MAP3K10: variants seen among roughly 807,000 people sequenced by gnomAD.
The protein encoded by MAP3K10 is MKN28 derived nonreceptor_type serine/threonine kinase.
MAP3K10 carries 22 observed loss-of-function variants against 75.0 expected under a neutral mutation model. The observed-to-expected ratio is 0.29, with a 90% CI of 0.21 to 0.42. The LOEUF (loss-of-function observed/expected upper bound fraction) is 0.42, where lower values mean the gene tolerates loss of function less well. MAP3K10 is among the 10% of genes least tolerant of loss of function. The pLI, the probability that MAP3K10 is intolerant of heterozygous loss-of-function variation, is 1.00. For missense variants in MAP3K10, 1,165 were observed against 1,379.8 expected, an observed-to-expected ratio of 0.84 and a Z score of 2.47; for synonymous variants, 599 against 612.9, an observed-to-expected ratio of 0.98 and a Z score of 0.34.
At position 40,215,062 on chromosome 19, in the gene MAP3K10, A is replaced by G. The variant is rs545638012; in HGVS notation, c.2635A>G (p.Thr879Ala). 67 of 1,378,076 alleles carry G rather than the reference A, an allele frequency of 4.9e-5. 2 individuals carry two copies. The South Asian group carries it at 9.2e-4, about 19-fold the overall frequency. The allele number at this position is 1,378,076 out of a possible 1,614,324, so 85.4% of individuals were successfully genotyped here. The part of the protein sequence containing the change: ...RRPPEFPGRP[T>A]TLTFAPRPRP... ...GCCCCCTGAGTTCCCAGGCCGCCCC[A>G]CCACCCTGACCTTTGCCCCGAGACC... Residue 879 changes from threonine to alanine, a missense_variant, in exon 10 of 10, where the codon ACC becomes GCC. Transcript: ENST00000253055.
chr19:40,198,916 A>G lies in MAP3K10; in HGVS notation c.863+361A>G, dbSNP rs1380534697. On this transcript the variant is annotated intron_variant, in intron 2 of 9. Coordinates refer to ENST00000253055, the MANE Select transcript of MAP3K10 (RefSeq NM_002446.4). This position sits in a 1 kb window ranked among gnomAD's most constrained non-coding sequence, Gnocchi z 4.3. Reference sequence around the variant, plus strand: ...AACCCCATCTCTACTAAAAATACTAAAATTACCTGGGCGTGGTGGCAGATG... The same window carrying G: ...AACCCCATCTCTACTAAAAATACTAGAATTACCTGGGCGTGGTGGCAGATG... 1.3e-5 allele frequency among the ~76,000 whole-genome samples: 2 copies of G among 152,136 alleles called. No homozygotes were observed. Among genetic ancestry groups the G allele is most frequent in the South Asian group, 4.1e-4 (2 of 4,830 alleles).
rs543183496 is a variant in MAP3K10 at position 40,214,305 on chromosome 19, C to A, written c.2542+84C>A. 1,090 of 1,332,148 alleles carry A rather than the reference C, an allele frequency of 8.2e-4. 3 individuals carry two copies. Among genetic ancestry groups the A allele is most frequent in the Non-Finnish European group, 1.0e-3 (1,051 of 1,038,552 alleles). 82.5% of individuals were successfully genotyped at this position (1,332,148 alleles called of 1,614,324 possible). ...GGTCGCAAGTCCAGCCCAGCCACGACCCCTCAGGCAGCCACCTCCTGCTTC... is the reference window on the plus strand; with the variant it reads ...GGTCGCAAGTCCAGCCCAGCCACGAACCCTCAGGCAGCCACCTCCTGCTTC... On this transcript the variant is annotated intron_variant, in intron 9 of 9. Coordinates refer to ENST00000253055, the MANE Select transcript of MAP3K10 (RefSeq NM_002446.4).
In MAP3K10 at chr19:40,204,611, G is replaced by A; in HGVS notation, c.990G>A (p.Glu330=). 6.2e-7 allele frequency: 1 copy of A among 1,612,784 alleles called. No individual in the cohort carries two copies. The highest frequency in any genetic ancestry group is 1.1e-5 in the South Asian group (1 of 90,910). ...TGCCCATTCCCTCCACGTGCCCCGA[G>A]CCCTTTGCCCGCCTCCTGGAGGGTG... is the stretch of plus-strand genomic sequence containing the variant. The part of the protein sequence containing the change: ...LTLPIPSTCP[E]PFARLLEECW... The change falls in exon 3 of 10, where the codon GAG becomes GAA. Residue 330 remains glutamate, a synonymous_variant. Transcript: ENST00000253055. This position sits in a 1 kb window ranked among gnomAD's most constrained non-coding sequence, Gnocchi z 4.3.
At chr19:40,197,568 C>T (rs953318553) in intron 1 of MAP3K10, among the ~76,000 whole-genome samples, 8 of 151,882 alleles carry the variant, frequency 5.3e-5, no homozygotes, top group Non-Finnish European at 8.8e-5. Flanking sequence ...TCAAGTGATC[C>T]GCCTGCCTTA....
In MAP3K10 at chr19:40,215,450, T is replaced by G; in HGVS notation, c.*158T>G. 15 of 670,716 alleles carry G rather than the reference T, an allele frequency of 2.2e-5. No homozygotes were observed. Among genetic ancestry groups the G allele is most frequent in the Non-Finnish European group, 2.9e-5 (12 of 407,516 alleles). 41.5% of individuals were successfully genotyped at this position (670,716 alleles called of 1,614,324 possible). ...GGGGGACACTTAACTTATTCCTTTG[T>G]ACCCCAGGGGGTGGAGCCCTGTGCC... is the stretch of plus-strand genomic sequence containing the variant. On this transcript the variant is annotated 3_prime_UTR_variant, in exon 10 of 10. Transcript: ENST00000253055.
chr19:40,200,612 CT>C (rs71171548), intron 2 of MAP3K10, among the ~76,000 whole-genome samples: 210 of 79,974 alleles, frequency 2.6e-3, no homozygotes, highest in Non-Finnish European at 3.2e-3. Flanking sequence ...TTTGTGCTAC[CT>C]TTTTTTTTTT....
At chr19:40,193,555 G>C (rs1052896184) in intron 1 of MAP3K10, among the ~76,000 whole-genome samples, 4 of 152,178 alleles carry the variant, frequency 2.6e-5, no homozygotes, top group Non-Finnish European at 5.9e-5. Flanking sequence ...AGCCCAGCTG[G>C]GAGTAAGACA....
Position 40,205,064 on chromosome 19 carries a change from G to C in MAP3K10, c.1013-57G>C, listed in dbSNP as rs7251116. The C allele has an allele frequency of 3.0e-4, 452 of 1,531,426 alleles. 2 individuals are homozygous for C. In the African/African-American group the frequency reaches 5.6e-3, roughly 19 times the overall value. 94.9% of individuals were successfully genotyped at this position (1,531,426 alleles called of 1,614,324 possible). ...TTCCTCTGAGCAGGCTGAGTCCCCA[G>C]AGCATGACCACTGACACCTCCATGC... On this transcript the variant is annotated intron_variant, in intron 3 of 9. Coordinates refer to ENST00000253055, the MANE Select transcript of MAP3K10 (RefSeq NM_002446.4). This position sits in a 1 kb window ranked among gnomAD's most constrained non-coding sequence, Gnocchi z 4.3.
rs753852362 is a variant in MAP3K10 at position 40,205,143 on chromosome 19, C to T, written c.1035C>T (p.His345=). 1.4e-5 allele frequency: 23 copies of T among 1,613,310 alleles called. No individual in the cohort carries two copies. Among genetic ancestry groups the T allele is most frequent in the East Asian group, 6.7e-5 (3 of 44,892 alleles). Residue 345 remains histidine (H), a synonymous_variant, in exon 4 of 10, where the codon CAC becomes CAT. Transcript: ENST00000253055. This position sits in a 1 kb window ranked among gnomAD's most constrained non-coding sequence, Gnocchi z 4.3. The part of the protein sequence containing the change: ...LLEECWDPDP[H]GRPDFGSILK... ...CAGAATGCTGGGACCCAGACCCCCA[C>T]GGGCGGCCAGATTTCGGTAGCATCT...
rs1256811860 is a variant in MAP3K10, at chr19:40,206,039, C to T, written c.1317C>T (p.His439=). 3 of 1,613,496 alleles carry T rather than the reference C, an allele frequency of 1.9e-6. No homozygotes were observed. The highest frequency in any genetic ancestry group is 2.2e-5 in the East Asian group (1 of 44,864). ...REMDIVEREL[H]LLMCQLSQEK... is the part of the protein sequence containing the mutation. ...TGGACATCGTGGAACGGGAGCTGCA[C>T]CTGCTCATGTGCCAGCTGAGCCAGG... The change falls in exon 5 of 10, where the codon CAC becomes CAT. Residue 439 remains histidine, a synonymous_variant. Transcript: ENST00000253055.
rs1330997698 is a variant in MAP3K10 at position 40,198,534 on chromosome 19, C to G, written c.842C>G (p.Ser281Cys). The change falls in exon 2 of 10, where the codon TCC (serine) becomes TGC (cysteine). Residue 281 changes from serine (S) to cysteine (C), a missense_variant. Around this residue, in one of 2 missense-constraint regions of MAP3K10, gnomAD observed 575 missense variants for 793.2 expected, o/e 0.72. Coordinates refer to ENST00000253055, the MANE Select transcript of MAP3K10 (RefSeq NM_002446.4). The surrounding 1 kb of genome is among the most constrained non-coding windows in gnomAD (Gnocchi z 4.3). ...GAGGTTATCCGTCTCTCCCTCTTCT[C>G]CAAAAGCAGTGATGTCTGGAGGTGC... ...APEVIRLSLF[S>C]KSSDVWSFGV... The G allele has an allele frequency of 1.9e-6, 3 of 1,612,702 alleles. No homozygotes were observed. In the African/African-American group the frequency reaches 4.0e-5, roughly 22 times the overall value.
At chr19:40,193,721 C>G (rs752071198) in intron 1 of MAP3K10, among the ~76,000 whole-genome samples, 1 of 152,142 alleles carries the variant, frequency 6.6e-6, no homozygotes, top group Non-Finnish European at 1.5e-5. Context: ...TGCTGTGCCC[C>G]ATCTCACTCC....
At chr19:40,210,086 T>C (rs1224003222) in intron 6 of MAP3K10, among the ~76,000 whole-genome samples, 1 of 150,916 alleles carries the variant, frequency 6.6e-6, no homozygotes, top group Non-Finnish European at 1.5e-5. Flanking sequence ...GCTAATACGG[T>C]GAAACCCCGT....
rs185662948 is a variant in MAP3K10, at chr19:40,214,146, C to A, written c.2467C>A (p.Arg823Ser). 3 of 1,541,338 alleles carry A rather than the reference C, an allele frequency of 1.9e-6. No homozygotes were observed. Among genetic ancestry groups the A allele is most frequent in the Admixed American group, 1.9e-5 (1 of 52,910 alleles). The change falls in exon 9 of 10, where the codon CGC becomes AGC. Residue 823 changes from arginine to serine, a missense_variant. Arg to Ser is a moderately radical substitution (Grantham distance 110). Transcript: ENST00000253055. ...CGTCACGGCTGCATGCGCTGTGAGC[C>A]GCGGGCACCGGCGGACGCCATCGGA... ...THVTAACAVSRGHRRTPSDGA... is the reference protein window; with the variant it reads ...THVTAACAVSSGHRRTPSDGA...
intron 2 of MAP3K10, among the ~76,000 whole-genome samples, chr19:40,200,449 G>A (rs1049081735): frequency 6.6e-6 from 1 of 151,980 alleles, no homozygotes; most frequent in African/African-American, 2.4e-5. Context: ...CCCATTTACT[G>A]TTCCCGTCAA....
intron 1 of MAP3K10, among the ~76,000 whole-genome samples, chr19:40,195,471 C>CTTTTTTTTTTTTTTTT (rs61289931): frequency 4.1e-5 from 2 of 48,652 alleles, no homozygotes; most frequent in African/African-American, 1.2e-4. Flanking sequence ...CCCGCCCGGC[C>CTTTTTTTTTTTTTTTT]TTTTTTTTTT....
In MAP3K10 at chr19:40,213,319, GC is replaced by G; in HGVS notation, c.1837+135del. On this transcript the variant is annotated intron_variant, in intron 8 of 9. Coordinates refer to ENST00000253055, the MANE Select transcript of MAP3K10 (RefSeq NM_002446.4). The surrounding 1 kb of genome is among the most constrained non-coding windows in gnomAD (Gnocchi z 5.7). ...GGCCTTCCTGGGAAGGGAGATGGTG[GC>G]CCCTGGGGCGTGGGGGGTCATTTCC... The G allele has an allele frequency of 6.9e-7, 1 of 1,447,834 alleles. No homozygotes were observed. Among genetic ancestry groups the G allele is most frequent in the South Asian group, 1.5e-5 (1 of 68,892 alleles). The allele number at this position is 1,447,834 out of a possible 1,614,324, so 89.7% of individuals were successfully genotyped here.
intron 6 of MAP3K10, among the ~76,000 whole-genome samples, chr19:40,209,471 G>A (rs183230478): frequency 1.9e-3 from 292 of 150,844 alleles, no homozygotes; most frequent in African/African-American, 6.8e-3. Context: ...GGAGTGCAGT[G>A]GTGCAATCTT....
Position 40,214,960 on chromosome 19 carries a change from C to G in MAP3K10, c.2543-10C>G, listed in dbSNP as rs764855600. ...CACCCCACTCACCTCCTCTGAACCT[C>G]TCTTACCAGGCCCTCGTGACCTTCT... On this transcript the variant is annotated splice_polypyrimidine_tract_variant and intron_variant, in intron 9 of 9. Transcript: ENST00000253055. 7 of 1,466,694 alleles carry G rather than the reference C, an allele frequency of 4.8e-6. No individual in the cohort carries two copies. The highest frequency in any genetic ancestry group is 6.6e-6 in the Non-Finnish European group (7 of 1,060,198). The allele number at this position is 1,466,694 out of a possible 1,614,324, so 90.9% of individuals were successfully genotyped here.
Sources: gnomAD v4.1 joint callset for allele counts (sites outside exome capture counted in the v4.1 genomes callset) on GRCh38, gnomAD v4.1.1 for gene constraint, gnomAD v4.1.1 regional missense constraint, Gnocchi (gnomAD v3.1) non-coding constraint, MANE v1.5 for transcripts, NCBI Gene and HGNC (gene_info 2026-07-23, HGNC 2026-07-21) for gene names.